ARK2C: variants seen among roughly 807,000 people sequenced by gnomAD.
ARK2C encodes E3 ubiquitin-protein ligase ARK2C.
the ARK2C span, among the ~76,000 whole-genome samples, chr18:46,441,545 T>G: frequency 6.6e-6 from 1 of 152,260 alleles, no homozygotes; most frequent in Non-Finnish European, 1.5e-5. Flanking sequence ...TCTTTCATTC[T>G]TGATCAATCT....
At chr18:46,425,707 C>T in the ARK2C span, among the ~76,000 whole-genome samples, 2 of 152,106 alleles carry the variant, frequency 1.3e-5, no homozygotes, top group Non-Finnish European at 2.9e-5. Context: ...CATCTGCTGG[C>T]CAGAGGAGCC....
the ARK2C span, among the ~76,000 whole-genome samples, chr18:46,448,113 G>A: frequency 2.1e-5 from 3 of 146,292 alleles, no homozygotes; most frequent in Admixed American, 6.8e-5. Flanking sequence ...CCTGCGCTCC[G>A]GATTCCATAT....
At chr18:46,402,875 A>G in the ARK2C span, among the ~76,000 whole-genome samples, 2 of 152,172 alleles carry the variant, frequency 1.3e-5, no homozygotes, top group Non-Finnish European at 2.9e-5. Context: ...AGGTCTCAGT[A>G]CCTCTAGTAT....
chr18:46,397,631 GGTGT>G, the ARK2C span, among the ~76,000 whole-genome samples: 3 of 114,754 alleles, frequency 2.6e-5, no homozygotes, highest in African/African-American at 1.1e-4. Flanking sequence ...GAGGTGTGAG[GGTGT>G]GTGTGTGTGT....
the ARK2C span, among the ~76,000 whole-genome samples, chr18:46,337,939 C>A: frequency 6.6e-6 from 1 of 152,092 alleles, no homozygotes; most frequent in African/African-American, 2.4e-5. Context: ...CTAGAGAGAA[C>A]CCCTACCTTT....
chr18:46,441,798 G>A, the ARK2C span, among the ~76,000 whole-genome samples: 5 of 148,642 alleles, frequency 3.4e-5, no homozygotes, highest in East Asian at 1.1e-3. Context: ...TGAGGCAGGA[G>A]AATGGCGTGA....
chr18:46,407,593 G>A, the ARK2C span, among the ~76,000 whole-genome samples: 1 of 152,092 alleles, frequency 6.6e-6, no homozygotes, highest in Non-Finnish European at 1.5e-5. Flanking sequence ...GAAGTTGGAG[G>A]CTAATCCCTT....
At chr18:46,357,310 A>C in the ARK2C span, among the ~76,000 whole-genome samples, 1 of 152,232 alleles carries the variant, frequency 6.6e-6, no homozygotes. Context: ...GCCACGGCCT[A>C]GACTGTAGTG....
chr18:46,345,337 G>T, the ARK2C span, among the ~76,000 whole-genome samples: 1 of 152,224 alleles, frequency 6.6e-6, no homozygotes, highest in Non-Finnish European at 1.5e-5. Flanking sequence ...TGCGGTGGGA[G>T]TGTTGATTGA....
At chr18:46,383,709 C>T in the ARK2C span, among the ~76,000 whole-genome samples, 44 of 152,258 alleles carry the variant, frequency 2.9e-4, no homozygotes, top group Middle Eastern at 3.4e-3. Flanking sequence ...CAGCCACCAC[C>T]GCGCCCGGCT....
chr18:46,454,211 T>G, the ARK2C span, among the ~76,000 whole-genome samples: 1 of 148,526 alleles, frequency 6.7e-6, no homozygotes, highest in Non-Finnish European at 1.5e-5. Flanking sequence ...TAAGCTAAAA[T>G]TTTTAACTAT....
At chr18:46,436,073 G>T in the ARK2C span, among the ~76,000 whole-genome samples, 1 of 152,150 alleles carries the variant, frequency 6.6e-6, no homozygotes, top group Non-Finnish European at 1.5e-5. Flanking sequence ...TGGATCCTGG[G>T]TCCCACCAGA....
chr18:46,383,755 C>T, the ARK2C span, among the ~76,000 whole-genome samples: 1,579 of 151,620 alleles, frequency 0.01, 8 homozygotes, highest in Non-Finnish European at 0.013. Context: ...GGGGTTTCAC[C>T]GTGTTGGCCA....
At chr18:46,337,534 G>A in the ARK2C span, 11 of 985,146 alleles carry the variant, frequency 1.1e-5, no homozygotes, top group Admixed American at 2.5e-4. Context: ...TTGCCCTTCC[G>A]AAGCATGGTG....
chr18:46,421,661 C>T, the ARK2C span, among the ~76,000 whole-genome samples: 1 of 152,162 alleles, frequency 6.6e-6, no homozygotes, highest in Non-Finnish European at 1.5e-5. Context: ...TGTCTCTAAC[C>T]AAATCTTCTA....
chr18:46,391,346 G>C, the ARK2C span, among the ~76,000 whole-genome samples: 2 of 152,028 alleles, frequency 1.3e-5, no homozygotes, highest in Non-Finnish European at 2.9e-5. Flanking sequence ...GGCCAAATGG[G>C]ACGACATTAC....
At chr18:46,457,570 C>A in the ARK2C span, 1 of 152,882 alleles carries the variant, frequency 6.5e-6, no homozygotes, top group Non-Finnish European at 1.5e-5. Flanking sequence ...CTATATCCCC[C>A]CAGTTCCACA....
chr18:46,359,249 C>A, the ARK2C span, among the ~76,000 whole-genome samples: 1 of 152,176 alleles, frequency 6.6e-6, no homozygotes, highest in Non-Finnish European at 1.5e-5. Flanking sequence ...TGTTCCCTGC[C>A]TGTGGGGTTA....
the ARK2C span, among the ~76,000 whole-genome samples, chr18:46,405,741 T>C: frequency 0.065 from 9,835 of 151,954 alleles, 749 homozygotes; most frequent in African/African-American, 0.19. Context: ...CCAGGATGGG[T>C]TGAATATGAT....
Sources: gnomAD v4.1 joint callset for allele counts (sites outside exome capture counted in the v4.1 genomes callset) on GRCh38, gnomAD v4.1.1 for gene constraint, MANE v1.5 for transcripts, NCBI Gene and HGNC (gene_info 2026-07-23, HGNC 2026-07-21) for gene names.